SNX29: variants seen among roughly 807,000 people sequenced by gnomAD.
The protein encoded by SNX29 is sorting nexin-29.
A neutral mutation model predicts 102.1 loss-of-function variants in SNX29; 78 were observed. That is an observed-to-expected ratio of 0.76 (90% CI 0.64 to 0.92). The LOEUF (loss-of-function observed/expected upper bound fraction) is 0.92, where lower values mean the gene tolerates loss of function less well. SNX29 is among the 40% of genes least tolerant of loss of function. The pLI is 0.00. For synonymous variants in SNX29, 580 were observed against 414.5 expected, an observed-to-expected ratio of 1.40 and a Z score of -4.85; for missense variants, 1,280 against 1,061.7, an observed-to-expected ratio of 1.21 and a Z score of -2.86.
At chr16:12,267,983 A>G (rs1245455401) in intron 14 of SNX29, among the ~76,000 whole-genome samples, 2 of 152,122 alleles carry the variant, frequency 1.3e-5, no homozygotes, top group Admixed American at 6.5e-5. Flanking sequence ...CACTGTTGGT[A>G]GAACATGTGG....
At chr16:12,478,772 CTG>C (rs1465060128) in intron 19 of SNX29, among the ~76,000 whole-genome samples, 1 of 152,220 alleles carries the variant, frequency 6.6e-6, no homozygotes, top group East Asian at 1.9e-4. Flanking sequence ...TGAGGACTGC[CTG>C]TGCCCTACCT....
chr16:11,995,201 G>T (rs945746317), intron 1 of SNX29, among the ~76,000 whole-genome samples: 1 of 152,170 alleles, frequency 6.6e-6, no homozygotes, highest in Non-Finnish European at 1.5e-5. Context: ...GAGTAGCTGG[G>T]ACTACAGGCG....
At chr16:12,178,117 G>C (rs992850405) in intron 13 of SNX29, among the ~76,000 whole-genome samples, 4 of 152,162 alleles carry the variant, frequency 2.6e-5, no homozygotes, top group African/African-American at 9.6e-5. Flanking sequence ...ATGGGGGAGG[G>C]AGCCAGGGCA....
Position 12,568,708 on chromosome 16 carries a change from C to A in SNX29, c.*79C>A. 2 of 1,549,312 alleles carry A rather than the reference C, an allele frequency of 1.3e-6. No individual in the cohort carries two copies. The highest frequency in any genetic ancestry group is 1.7e-6 in the Non-Finnish European group (2 of 1,152,818). On this transcript the variant is annotated 3_prime_UTR_variant, in exon 21 of 21. Coordinates refer to ENST00000566228, the MANE Select transcript of SNX29 (RefSeq NM_032167.5). ...CCAGCCACTGCCGCTGGCCCCTCACCTCAGCGTGACAACCACGTCCACCTG... is the reference window on the plus strand; with the variant it reads ...CCAGCCACTGCCGCTGGCCCCTCACATCAGCGTGACAACCACGTCCACCTG...
chr16:12,031,467 C>T (rs2057341203), intron 4 of SNX29, among the ~76,000 whole-genome samples: 2 of 151,966 alleles, frequency 1.3e-5, no homozygotes, highest in South Asian at 4.1e-4. Flanking sequence ...CTTCCTTCCC[C>T]AGCTCTCACC....
At chr16:11,978,969 A>C (rs184130071) in intron 1 of SNX29, among the ~76,000 whole-genome samples, 7 of 151,838 alleles carry the variant, frequency 4.6e-5, no homozygotes, top group African/African-American at 1.2e-4. Context: ...AAAACTTTAA[A>C]ATTTAATTAA....
chr16:12,534,398 T>G (rs2077014537), intron 20 of SNX29, among the ~76,000 whole-genome samples: 1 of 152,198 alleles, frequency 6.6e-6, no homozygotes, highest in East Asian at 1.9e-4. Context: ...TTCTTTTGCT[T>G]CTTGTCCTCT....
At chr16:12,444,132 T>G (rs748327454) in intron 18 of SNX29, among the ~76,000 whole-genome samples, 1 of 151,904 alleles carries the variant, frequency 6.6e-6, no homozygotes, top group Admixed American at 6.6e-5. Context: ...GTATAGCACC[T>G]AGCACGTAGT....
At chr16:12,278,577 A>G (rs2079330956) in intron 15 of SNX29, among the ~76,000 whole-genome samples, 2 of 152,254 alleles carry the variant, frequency 1.3e-5, no homozygotes, top group Admixed American at 6.5e-5. Context: ...GATTTCTAGG[A>G]AACTCTTCAA....
intron 16 of SNX29, among the ~76,000 whole-genome samples, chr16:12,369,415 C>T (rs2082602288): frequency 1.3e-5 from 2 of 151,840 alleles, no homozygotes; most frequent in South Asian, 4.2e-4. Context: ...GGATTACAGG[C>T]GTGAGCCACC....
At chr16:12,287,181 A>G (rs1379909444) in intron 15 of SNX29, among the ~76,000 whole-genome samples, 1 of 152,136 alleles carries the variant, frequency 6.6e-6, no homozygotes, top group Non-Finnish European at 1.5e-5. Flanking sequence ...ACACATAGTC[A>G]TGTCAGCAGC....
At chr16:12,458,147 G>C (rs1411610517) in intron 18 of SNX29, among the ~76,000 whole-genome samples, 1 of 152,138 alleles carries the variant, frequency 6.6e-6, no homozygotes, top group Non-Finnish European at 1.5e-5. Context: ...CTTCACCTTG[G>C]GCTCTGCACT....
intron 14 of SNX29, among the ~76,000 whole-genome samples, chr16:12,227,955 T>C (rs2077662453): frequency 7.4e-6 from 1 of 135,902 alleles, no homozygotes; most frequent in South Asian, 2.4e-4. Flanking sequence ...GGACCAGCAG[T>C]AGTGGACTCG....
chr16:12,441,869 A>G (rs2085823404), intron 18 of SNX29, among the ~76,000 whole-genome samples: 1 of 151,898 alleles, frequency 6.6e-6, no homozygotes, highest in East Asian at 1.9e-4. Context: ...GATCCCTGCA[A>G]CCTCCGCCTC....
chr16:12,159,195 C>T (rs773320660), intron 13 of SNX29, among the ~76,000 whole-genome samples: 11 of 152,238 alleles, frequency 7.2e-5, no homozygotes, highest in Non-Finnish European at 1.3e-4. Flanking sequence ...AGATGTATGA[C>T]GATACCCAGC....
rs141463802 is a variant in SNX29, at chr16:12,111,623, G to C, written c.1403-15010G>C. On this transcript the variant is annotated intron_variant, in intron 11 of 20. Coordinates refer to ENST00000566228, the MANE Select transcript of SNX29 (RefSeq NM_032167.5). ...AGATGGCAGGCAGCAAGGAGAATGGGTTGGGAATGGCTTTGGGCATAGCCA... is the reference window on the plus strand; with the variant it reads ...AGATGGCAGGCAGCAAGGAGAATGGCTTGGGAATGGCTTTGGGCATAGCCA... Among the ~76,000 whole-genome samples the C allele has an allele frequency of 3.2e-4, 49 of 152,328 alleles. No homozygotes were observed. In the East Asian group the frequency reaches 8.7e-3, roughly 27 times the overall value.
At chr16:12,529,635 C>T (rs956799185) in intron 20 of SNX29, among the ~76,000 whole-genome samples, 1 of 152,192 alleles carries the variant, frequency 6.6e-6, no homozygotes, top group Non-Finnish European at 1.5e-5. Context: ...AAATTCCCAA[C>T]TGGATTTTCA....
chr16:12,318,655 G>C (rs1369553757), intron 15 of SNX29, among the ~76,000 whole-genome samples: 1 of 152,054 alleles, frequency 6.6e-6, no homozygotes. Context: ...TGCGCTGCTT[G>C]TTCTTATGGC....
chr16:12,252,432 T>G (rs140229668), intron 14 of SNX29, among the ~76,000 whole-genome samples: 1 of 152,230 alleles, frequency 6.6e-6, no homozygotes, highest in East Asian at 1.9e-4. Context: ...CTTTCAGGAA[T>G]TCAGTTTTCC....
Sources: allele counts gnomAD v4.1 joint callset (sites outside exome capture counted in the v4.1 genomes callset), GRCh38; gene constraint gnomAD v4.1.1; transcripts MANE v1.5; gene names NCBI Gene and HGNC (gene_info 2026-07-23, HGNC 2026-07-21).